Variants in FAM81B observed in about 807,000 individuals in gnomAD.
The protein encoded by FAM81B is family with sequence similarity 81 member B.
In FAM81B, 60 loss-of-function variants were observed where a neutral mutation model predicts 58.7. The observed-to-expected ratio is 1.02, with a 90% confidence interval of 0.83 to 1.27. The LOEUF (loss-of-function observed/expected upper bound fraction) is 1.27. Ranked by LOEUF, FAM81B falls within the 50% of genes most tolerant of loss-of-function variation. The pLI, the probability that FAM81B is intolerant of heterozygous loss-of-function variation, is 0.00. For missense variants in FAM81B, 491 were observed against 522.0 expected (o/e 0.94, Z 0.58); for synonymous variants, 189 against 179.6 (o/e 1.05, Z -0.42).
At chr5:95,445,155 A>G (rs1745506351) in intron 7 of FAM81B, among the ~76,000 whole-genome samples, 1 of 152,258 alleles carries the variant, frequency 6.6e-6, no homozygotes, top group South Asian at 2.1e-4. Flanking sequence ...GTGTATGTCC[A>G]GCATGACTTA....
rs1413685171 is a variant in FAM81B at position 95,450,043 on chromosome 5, G to C, written c.1226-106G>C. ...GGTCTTCATAGAATTTAATGCGCTT[G>C]GAATTAAATGATAATCAATTATGGC... On this transcript the variant is annotated intron_variant, in intron 9 of 9. Coordinates refer to ENST00000283357, the MANE Select transcript of FAM81B (RefSeq NM_152548.3). 3.2e-6 allele frequency: 4 copies of C among 1,257,776 alleles called. No homozygotes were observed. In the Admixed American group the frequency reaches 7.9e-5, roughly 25 times the overall value. 77.9% of individuals were successfully genotyped at this position (1,257,776 alleles called of 1,614,324 possible). A position where few individuals can be genotyped will look rare whatever the true frequency, so the allele number is the denominator to read the frequency against.
chr5:95,397,214 T>A (rs986690802), intron 3 of FAM81B, among the ~76,000 whole-genome samples: 1 of 152,238 alleles, frequency 6.6e-6, no homozygotes, highest in African/African-American at 2.4e-5. Context: ...TAGCCCCTTT[T>A]TTCATGTTCC....
rs543838871 is a variant in FAM81B at position 95,404,051 on chromosome 5, G to T, written c.293+7876G>T. Among the ~76,000 whole-genome samples the T allele has an allele frequency of 1.4e-3, 210 of 152,264 alleles. 3 individuals are homozygous for T. Among genetic ancestry groups the T allele is most frequent in the Non-Finnish European group, 2.8e-4 (19 of 68,006 alleles). On this transcript the variant is annotated intron_variant, in intron 3 of 9. Transcript: ENST00000283357. ...GGGGGAAATGAAGCATAATTTATAA[G>T]TGTCTGTACAAGACTGAAAACCGGG... is the stretch of plus-strand genomic sequence containing the variant.
At chr5:95,445,011 C>T (rs749122381) in intron 7 of FAM81B, among the ~76,000 whole-genome samples, 37 of 152,216 alleles carry the variant, frequency 2.4e-4, no homozygotes, top group Admixed American at 1.9e-3. Flanking sequence ...CCCCCAGGGG[C>T]AAGCAGGTGG....
intron 6 of FAM81B, among the ~76,000 whole-genome samples, chr5:95,430,958 T>G (rs1744855344): frequency 6.6e-6 from 1 of 152,114 alleles, no homozygotes; most frequent in South Asian, 2.1e-4. Flanking sequence ...TTGAGCATCT[T>G]TTCACATATT....
chr5:95,406,142 C>T (rs1020661811), intron 3 of FAM81B: 2 of 154,356 alleles, frequency 1.3e-5, no homozygotes, highest in African/African-American at 4.8e-5. Flanking sequence ...TATCTCTTGT[C>T]CCAGGCCAAC....
chr5:95,439,475 T>C (rs1745242244), intron 7 of FAM81B, among the ~76,000 whole-genome samples: 2 of 151,926 alleles, frequency 1.3e-5, no homozygotes, highest in Non-Finnish European at 2.9e-5. Context: ...TTATTATTTA[T>C]CAAATTTTGT....
chr5:95,396,195 C>T lies in FAM81B; in HGVS notation c.293+20C>T, dbSNP rs763886976. The T allele has an allele frequency of 3.3e-6, 5 of 1,536,346 alleles. No individual in the cohort carries two copies. The East Asian group carries it at 1.1e-4, about 35-fold the overall frequency. On this transcript the variant is annotated intron_variant, in intron 3 of 9. Coordinates refer to ENST00000283357, the MANE Select transcript of FAM81B (RefSeq NM_152548.3). ...TGACAAGTAAGTGTGTAAATTACAA[C>T]TAGTTTTAACTATTAACTGCATTTA...
chr5:95,395,304 G>A (rs932888762), intron 2 of FAM81B, among the ~76,000 whole-genome samples: 6 of 151,986 alleles, frequency 3.9e-5, no homozygotes, highest in Non-Finnish European at 7.4e-5. Flanking sequence ...TTAGCCAGGC[G>A]TGGTGGCGGG....
intron 3 of FAM81B, among the ~76,000 whole-genome samples, chr5:95,397,933 C>T (rs1371287493): frequency 2.0e-5 from 3 of 152,134 alleles, no homozygotes; most frequent in Non-Finnish European, 4.4e-5. Flanking sequence ...GTACTGAATA[C>T]ACTTGATGAA....
intron 7 of FAM81B, among the ~76,000 whole-genome samples, chr5:95,442,549 A>G (rs1276646178): frequency 2.6e-5 from 4 of 152,356 alleles, no homozygotes; most frequent in African/African-American, 7.2e-5. Context: ...TGATGTTTCC[A>G]TCTCACAATT....
intron 4 of FAM81B, among the ~76,000 whole-genome samples, chr5:95,419,071 GT>G (rs1262089469): frequency 1.3e-5 from 2 of 152,190 alleles, no homozygotes; most frequent in Admixed American, 6.5e-5. Flanking sequence ...AGTAGAGTAA[GT>G]TTCCTTTCAT....
intron 7 of FAM81B, among the ~76,000 whole-genome samples, chr5:95,445,739 T>C (rs549767798): frequency 6.6e-6 from 1 of 152,214 alleles, no homozygotes; most frequent in Non-Finnish European, 1.5e-5. Context: ...ATGGGGACTT[T>C]ATGGAAGATT....
chr5:95,410,761 T>A (rs1762384814), intron 3 of FAM81B: 1 of 152,200 alleles, frequency 6.6e-6, no homozygotes, highest in Non-Finnish European at 1.5e-5. Flanking sequence ...TAAGGCTGAC[T>A]TCTCTTTCCA....
At chr5:95,449,761 A>T (rs1021610345) in intron 9 of FAM81B, among the ~76,000 whole-genome samples, 2 of 152,210 alleles carry the variant, frequency 1.3e-5, no homozygotes, top group Non-Finnish European at 2.9e-5. Flanking sequence ...TTCAGAGAAG[A>T]TTTAAAATCT....
chr5:95,427,015 C>A (rs866297029), intron 5 of FAM81B, among the ~76,000 whole-genome samples: 2 of 152,062 alleles, frequency 1.3e-5, no homozygotes, highest in Non-Finnish European at 2.9e-5. Context: ...TGCCACTGCA[C>A]TCCAGCCTGG....
Position 95,450,095 on chromosome 5 carries a change from A to G in FAM81B, c.1226-54A>G, listed in dbSNP as rs1301032506. The G allele has an allele frequency of 2.0e-6, 3 of 1,535,472 alleles. No individual in the cohort carries two copies. The African/African-American group carries it at 4.2e-5, about 22-fold the overall frequency. On this transcript the variant is annotated intron_variant, in intron 9 of 9. Transcript: ENST00000283357. The stretch of plus-strand genomic sequence containing the variant: ...GGACTGCCGATTAGCAACTTTTTTA[A>G]AAAAAAGCTCTAATGCATTGTTTAA...
At chr5:95,426,993 G>A (rs1762858456) in intron 5 of FAM81B, among the ~76,000 whole-genome samples, 1 of 152,178 alleles carries the variant, frequency 6.6e-6, no homozygotes, top group Admixed American at 6.5e-5. Flanking sequence ...AGCTTGCAGT[G>A]AGCCGAGATT....
intron 3 of FAM81B, among the ~76,000 whole-genome samples, chr5:95,404,537 C>G (rs988778330): frequency 6.6e-6 from 1 of 151,676 alleles, no homozygotes; most frequent in Non-Finnish European, 1.5e-5. Context: ...CTCACCCAGG[C>G]TGAGACTATT....
Sources: gnomAD v4.1 joint callset for allele counts (sites outside exome capture counted in the v4.1 genomes callset) on GRCh38, gnomAD v4.1.1 for gene constraint, MANE v1.5 for transcripts, NCBI Gene and HGNC (gene_info 2026-07-23, HGNC 2026-07-21) for gene names.